GABBR2: variants seen among roughly 807,000 people sequenced by gnomAD.
GABBR2 encodes the protein G-protein coupled receptor 51.
A neutral mutation model predicts 105.6 loss-of-function variants in GABBR2; 23 were observed. The ratio of observed to expected loss-of-function variants is 0.22; its 90% CI spans 0.16 to 0.31. The LOEUF (loss-of-function observed/expected upper bound fraction) is 0.31. Among genes scored for constraint, GABBR2 ranks in the 10% least tolerant of loss-of-function variants. GABBR2 has a pLI of 1.00. For synonymous variants in GABBR2, 478 were observed against 499.7 expected (o/e 0.96, Z 0.58); for missense variants, 734 against 1,245.5 (o/e 0.59, Z 6.18).
chr9:98,310,494 C>A (rs1830618817), intron 14 of GABBR2, among the ~76,000 whole-genome samples: 2 of 152,148 alleles, frequency 1.3e-5, no homozygotes, highest in South Asian at 4.1e-4. Flanking sequence ...GTGACCCACC[C>A]ACCTCGGCCT....
rs1832015446 is a variant in GABBR2 at position 98,383,438 on chromosome 9, CT to C, written c.1662+2201del. On this transcript the variant is annotated intron_variant, in intron 11 of 18. Transcript: ENST00000259455. ...TGCCAGAAGGCCATACTCTTTTGAT[CT>C]TTTGGTGGGAATGAGCCAGTGCCAG... 2.0e-5 allele frequency among the ~76,000 whole-genome samples: 3 copies of C among 152,294 alleles called. No homozygotes were observed. In the South Asian group the frequency reaches 6.2e-4, roughly 32 times the overall value.
intron 11 of GABBR2, among the ~76,000 whole-genome samples, chr9:98,379,997 G>C (rs1368455820): frequency 6.6e-6 from 1 of 151,528 alleles, no homozygotes; most frequent in East Asian, 1.9e-4. Context: ...GTATAAGCCA[G>C]CTAATAAAAA....
chr9:98,444,536 G>C (rs1826086702), intron 7 of GABBR2, among the ~76,000 whole-genome samples: 1 of 152,192 alleles, frequency 6.6e-6, no homozygotes, highest in African/African-American at 2.4e-5. Context: ...ACTATTATTA[G>C]CATGAGTGAA....
chr9:98,607,698 A>T (rs1829448450), intron 1 of GABBR2: 3 of 755,900 alleles, frequency 4.0e-6, no homozygotes, highest in Middle Eastern at 3.7e-4. Context: ...TGATAAGAAC[A>T]CACATGCAGG....
chr9:98,641,199 T>A (rs973934245), intron 1 of GABBR2, among the ~76,000 whole-genome samples: 6 of 151,018 alleles, frequency 4.0e-5, no homozygotes, highest in Admixed American at 2.0e-4. Flanking sequence ...AGTGGCACGA[T>A]CTCGGCTCAC....
chr9:98,679,535 G>A (rs928580088), intron 1 of GABBR2, among the ~76,000 whole-genome samples: 23 of 152,248 alleles, frequency 1.5e-4, no homozygotes, highest in Admixed American at 1.3e-4. Flanking sequence ...AATGATTGGA[G>A]CTGCTCAAGA....
At position 98,290,261 on chromosome 9, in the gene GABBR2, GTTTTTTTGTTTTT is replaced by G. The variant is rs1252165676; in HGVS notation, c.*310_*322del. ...GTTCTAGTGCCTCTCTCCTTGTCTA[GTTTTTTTGTTTTT>G]TTTTTTTTTTTTTTTTTTTTGCAAG... On this transcript the variant is annotated 3_prime_UTR_variant, in exon 19 of 19. Coordinates refer to ENST00000259455, the MANE Select transcript of GABBR2 (RefSeq NM_005458.8). The G allele has an allele frequency of 8.2e-6, 1 of 122,366 alleles. No homozygotes were observed. The highest frequency in any genetic ancestry group is 2.9e-5 in the African/African-American group (1 of 35,070). The allele number at this position is 122,366 out of a possible 1,614,324, so 7.6% of individuals were successfully genotyped here. A position where few individuals can be genotyped will look rare whatever the true frequency, so the allele number is the denominator to read the frequency against.
At chr9:98,457,282 C>A (rs566225256) in intron 6 of GABBR2, among the ~76,000 whole-genome samples, 23 of 152,308 alleles carry the variant, frequency 1.5e-4, no homozygotes, top group South Asian at 6.2e-4. Context: ...TTCTACAACA[C>A]CTCCCTGACC....
intron 17 of GABBR2, among the ~76,000 whole-genome samples, chr9:98,295,267 G>A (rs1468505235): frequency 1.3e-5 from 2 of 152,196 alleles, no homozygotes; most frequent in African/African-American, 2.4e-5. Context: ...TTAGCGCTTA[G>A]CTTTTATATT....
In GABBR2 at chr9:98,290,667, C is replaced by A. The variant is rs1554687394; in HGVS notation, c.2743G>T (p.Val915Phe). Residue 915 changes from valine to phenylalanine, a missense_variant, in exon 19 of 19, where the codon GTC becomes TTC. By Grantham distance (50) the Val-to-Phe change is conservative (BLOSUM62 -1). Transcript: ENST00000259455. ...PSIGGVDASC[V>F]SPCVSPTASP... ...GCGGTGGGGCTGACGCAGGGGCTGA[C>A]ACAGCTGGCGTCCACGCCTCCGATG... 2 of 1,476,344 alleles carry A rather than the reference C, an allele frequency of 1.4e-6. No homozygotes were observed. The highest frequency in any genetic ancestry group is 1.8e-6 in the Non-Finnish European group (2 of 1,123,880). 91.5% of individuals were successfully genotyped at this position (1,476,344 alleles called of 1,614,324 possible). A position where few individuals can be genotyped will look rare whatever the true frequency, so the allele number is the denominator to read the frequency against.
chr9:98,488,656 A>T (rs1827111123), intron 4 of GABBR2, among the ~76,000 whole-genome samples: 1 of 151,770 alleles, frequency 6.6e-6, no homozygotes, highest in African/African-American at 2.4e-5. Context: ...CCGCTCCTCC[A>T]CTTAAGGCAA....
chr9:98,494,996 C>G (rs1588194442), intron 4 of GABBR2, among the ~76,000 whole-genome samples: 1 of 152,246 alleles, frequency 6.6e-6, no homozygotes, highest in East Asian at 1.9e-4. Context: ...AGGCCCTCCC[C>G]TCCTCTCCCA....
chr9:98,708,666 T>C lies in GABBR2; in HGVS notation c.72A>G (p.Leu24=). Residue 24 remains leucine, a synonymous_variant, in exon 1 of 19, where the codon CTA becomes CTG. Transcript: ENST00000259455. The part of the protein sequence containing the change: ...PPPPPPPARL[L]LLLLLPLLLP... ...GCAGCAGCGGCAGCAGCAGTAGCAG[T>C]AGCAGGCGCGCGGGCGGCGGTGGCG... 7.6e-6 allele frequency: 9 copies of C among 1,187,530 alleles called. No individual in the cohort carries two copies. The highest frequency in any genetic ancestry group is 8.3e-6 in the Non-Finnish European group (8 of 959,054). 73.6% of individuals were successfully genotyped at this position (1,187,530 alleles called of 1,614,324 possible). A position where few individuals can be genotyped will look rare whatever the true frequency, so the allele number is the denominator to read the frequency against.
At chr9:98,701,005 G>A (rs337537) in intron 1 of GABBR2, among the ~76,000 whole-genome samples, 106,857 of 152,020 alleles carry the variant, frequency 0.7, 38,956 homozygotes, top group Middle Eastern at 0.84. Flanking sequence ...TTGTTTGTTA[G>A]TGCAGCATAG....
intron 13 of GABBR2, among the ~76,000 whole-genome samples, chr9:98,340,653 TCAGACATG>T (rs1831196517): frequency 6.6e-6 from 1 of 152,154 alleles, no homozygotes; most frequent in Non-Finnish European, 1.5e-5. Flanking sequence ...ATCTTGCTCA[TCAGACATG>T]CAGTACGTAA....
intron 11 of GABBR2, among the ~76,000 whole-genome samples, chr9:98,382,459 G>T (rs994040926): frequency 6.6e-6 from 1 of 151,946 alleles, no homozygotes; most frequent in African/African-American, 2.4e-5. Flanking sequence ...GACTACAGGC[G>T]CCCGCCACCT....
chr9:98,535,234 A>G (rs545745467), intron 3 of GABBR2, among the ~76,000 whole-genome samples: 2 of 152,180 alleles, frequency 1.3e-5, no homozygotes, highest in South Asian at 2.1e-4. Flanking sequence ...AGTAGCTGGA[A>G]TTACAGGCGC....
intron 1 of GABBR2, among the ~76,000 whole-genome samples, chr9:98,677,041 C>T (rs1355294495): frequency 6.6e-6 from 1 of 152,208 alleles, no homozygotes; most frequent in East Asian, 1.9e-4. Flanking sequence ...TCAAGCTATG[C>T]CCTCAGCCTC....
intron 7 of GABBR2, among the ~76,000 whole-genome samples, chr9:98,425,222 GTGAATGAATGAA>G (rs3029536): frequency 2.0e-5 from 3 of 151,690 alleles, no homozygotes; most frequent in African/African-American, 7.3e-5. Context: ...GAATGAATGG[GTGAATGAATGAA>G]TGAATGAATG....
Sources: gnomAD v4.1 joint callset for allele counts (sites outside exome capture counted in the v4.1 genomes callset) on GRCh38, gnomAD v4.1.1 for gene constraint, MANE v1.5 for transcripts, NCBI Gene and HGNC (gene_info 2026-07-23, HGNC 2026-07-21) for gene names.